MED23: variants seen among roughly 807,000 people sequenced by gnomAD.
The protein encoded by MED23 is mediator of RNA polymerase II transcription subunit 23.
Under a neutral mutation model 163.9 loss-of-function variants are expected in MED23, and 105 were observed. The observed-to-expected ratio is 0.64, with a 90% CI of 0.55 to 0.75. The LOEUF is 0.75. Among genes scored for constraint, MED23 ranks in the 30% least tolerant of loss-of-function variants. The pLI is 0.00. For missense variants in MED23, 1,054 were observed against 1,649.0 expected (o/e 0.64, Z 6.25); for synonymous variants, 561 against 565.6 (o/e 0.99, Z 0.12).
chr6:131,615,433 G>T, intron 10 of MED23: 1 of 1,163,634 alleles, frequency 8.6e-7, no homozygotes, highest in Non-Finnish European at 1.2e-6. Context: ...TATGAGGCCA[G>T]CCTCAAGGAA....
chr6:131,583,124 G>A, downstream of MED23: 1 of 1,613,976 alleles, frequency 6.2e-7, no homozygotes, highest in South Asian at 1.1e-5. Context: ...ACTAGGAATT[G>A]GCAAGGTGAT....
chr6:131,606,389 A>C, intron 13 of MED23, 90 bp downstream of exon 13: 2 of 1,448,602 alleles, frequency 1.4e-6, no homozygotes, highest in Non-Finnish European at 1.9e-6. Context: ...GGAGATTTCC[A>C]AATTTCACAC....
intron 6 of MED23, among the ~76,000 whole-genome samples, chr6:131,620,977 AT>A (rs1006464958): frequency 2.0e-5 from 3 of 151,762 alleles, no homozygotes; most frequent in African/African-American, 7.3e-5. Flanking sequence ...TAACTTTTTA[AT>A]TTTTTGTAAA....
At chr6:131,625,268 T>G (rs1010841062) in intron 3 of MED23, among the ~76,000 whole-genome samples, 3 of 152,208 alleles carry the variant, frequency 2.0e-5, no homozygotes, top group African/African-American at 7.2e-5. Flanking sequence ...ATATTAACGG[T>G]CAATAGAAAA....
At chr6:131,574,423 A>T in intron 30 of MED23, 1 of 1,031,948 alleles carries the variant, frequency 9.7e-7, no homozygotes. Context: ...CATTTTGCTG[A>T]CACAGAAATG....
chr6:131,592,979 T>C (rs754283305), intron 24 of MED23, 27 bp downstream of exon 24: 5 of 1,613,364 alleles, frequency 3.1e-6, no homozygotes, highest in Non-Finnish European at 4.2e-6. Context: ...AAACAACAAA[T>C]CTTACTGCAT....
At chr6:131,589,004 A>G (rs1774384690) in intron 28 of MED23, among the ~76,000 whole-genome samples, 1 of 152,040 alleles carries the variant, frequency 6.6e-6, no homozygotes. Context: ...TATTCTCTAA[A>G]TGCTTTTCAT....
intron 9 of MED23, among the ~76,000 whole-genome samples, 174 bp from the exon 10 acceptor site, chr6:131,616,176 C>A (rs1172369432): frequency 6.6e-6 from 1 of 151,988 alleles, no homozygotes; most frequent in African/African-American, 2.4e-5. Flanking sequence ...CTGTTCCCAC[C>A]CCTCATTTGC....
downstream of MED23, among the ~76,000 whole-genome samples, chr6:131,585,528 G>T (rs565276172): frequency 1.7e-4 from 26 of 152,214 alleles, no homozygotes; most frequent in Non-Finnish European, 2.9e-4. Context: ...CTCTAATACA[G>T]TAGCCACATG....
Position 131,604,263 on chromosome 6 carries a change from C to T in MED23, c.1671G>A (p.Val557=). The change falls in exon 15 of 29, where the codon GTG becomes GTA. Residue 557 remains valine, a synonymous_variant. Transcript: ENST00000368068. ...VIKLAHAKSS[V]ALAPALVETY... ...TTTCCACTAGGGCTGGAGCCAAGGCCACACTGGACTTTGCATGAGCAAGTT... is the reference window on the plus strand; with the variant it reads ...TTTCCACTAGGGCTGGAGCCAAGGCTACACTGGACTTTGCATGAGCAAGTT... 1 of 1,613,824 alleles carries T rather than the reference C, an allele frequency of 6.2e-7. No individual in the cohort carries two copies. The highest frequency in any genetic ancestry group is 8.5e-7 in the Non-Finnish European group (1 of 1,179,842).
chr6:131,584,130 CTT>C (rs1774082880), downstream of MED23: 2 of 555,898 alleles, frequency 3.6e-6, no homozygotes, highest in African/African-American at 1.9e-5. Context: ...TGGCAAAAGA[CTT>C]ATCCTTAGAA....
At position 131,606,585 on chromosome 6, in the gene MED23, G is replaced by C; in HGVS notation, c.1261C>G (p.His421Asp). The C allele has an allele frequency of 6.2e-7, 1 of 1,612,934 alleles. No individual in the cohort carries two copies. Among genetic ancestry groups the C allele is most frequent in the Non-Finnish European group, 8.5e-7 (1 of 1,179,082 alleles). Residue 421 changes from histidine (H) to aspartate (D), a missense_variant, in exon 13 of 29, where the codon CAT (histidine) becomes GAT (aspartate). This residue lies in a region of MED23 where 61 missense variants were observed against 154.2 expected (regional missense o/e 0.40). Coordinates refer to ENST00000368068, the MANE Select transcript of MED23 (RefSeq NM_004830.4). ...CAAATACAGGTCATTGCAAAGGCAT[G>C]GGTTGACTGGGGTTTGTTAATATCA... ...VPDINKPQST[H>D]AFAMTCIWIH...
At position 131,589,557 on chromosome 6, in the gene MED23, G is replaced by A; in HGVS notation, c.3847C>T (p.Gln1283Ter). 6.2e-7 allele frequency: 1 copy of A among 1,613,748 alleles called. No individual in the cohort carries two copies. The highest frequency in any genetic ancestry group is 8.5e-7 in the Non-Finnish European group (1 of 1,179,730). Residue 1283 changes from glutamine to a stop codon, truncating the protein, a stop_gained, in exon 28 of 29, where the codon CAG becomes TAG. Coordinates refer to ENST00000368068, the MANE Select transcript of MED23 (RefSeq NM_004830.4). LOFTEE classifies it high-confidence loss of function. ...AFYDMLLNVD[Q>*]CSTHLNYMDP... is the part of the protein sequence containing the mutation. The stretch of plus-strand genomic sequence containing the variant: ...ATGTAATTTAAATGGGTGCTACACT[G>A]GTCAACATTCAGCAGCATGTCATAA...
At chr6:131,596,268 A>G in intron 21 of MED23, 105 bp from the exon 22 acceptor site, 2 of 1,070,796 alleles carry the variant, frequency 1.9e-6, no homozygotes, top group South Asian at 2.7e-5. Context: ...GCAAGGAAAC[A>G]TTTAAAATTA....
Position 131,586,951 on chromosome 6 carries a change from T to C in MED23, c.*728A>G, listed in dbSNP as rs1774222604. The C allele has an allele frequency of 6.7e-7, 1 of 1,481,950 alleles. No homozygotes were observed. Among genetic ancestry groups the C allele is most frequent in the Non-Finnish European group, 9.0e-7 (1 of 1,106,940 alleles). 91.8% of individuals were successfully genotyped at this position (1,481,950 alleles called of 1,614,324 possible). A position where few individuals can be genotyped will look rare whatever the true frequency, so the allele number is the denominator to read the frequency against. ...GAGAGTGTCAACCTGCAAAAGCAAT[T>C]AACTTATTTTTAAAAAAAGAAATTG... On this transcript the variant is annotated 3_prime_UTR_variant, in exon 29 of 29. Coordinates refer to ENST00000368068, the MANE Select transcript of MED23 (RefSeq NM_004830.4).
chr6:131,607,802 C>T, intron 12 of MED23, 126 bp downstream of exon 12: 1 of 1,073,840 alleles, frequency 9.3e-7, no homozygotes, highest in Non-Finnish European at 1.4e-6. Flanking sequence ...GCTTGCTACA[C>T]TTAACATTCA....
rs762290970 is a variant in MED23 at position 131,604,330 on chromosome 6, A to G, written c.1614-10T>C. ...AATGCTGTGAATAAGGCTGAGGAGA[A>G]AAAAAGGGAAGAAAATAAAAATCCA... On this transcript the variant is annotated splice_polypyrimidine_tract_variant and intron_variant, in intron 14 of 28. Coordinates refer to ENST00000368068, the MANE Select transcript of MED23 (RefSeq NM_004830.4). The G allele has an allele frequency of 1.2e-6, 2 of 1,613,432 alleles. No individual in the cohort carries two copies. The highest frequency in any genetic ancestry group is 1.7e-6 in the Non-Finnish European group (2 of 1,179,648).
chr6:131,578,794 C>G (rs1025401504), intron 30 of MED23, among the ~76,000 whole-genome samples: 1 of 152,066 alleles, frequency 6.6e-6, no homozygotes, highest in Non-Finnish European at 1.5e-5. Context: ...GAGACAGAGA[C>G]AGAGACAGTG....
chr6:131,594,850 G>C (rs1774928716), intron 22 of MED23, among the ~76,000 whole-genome samples: 1 of 152,100 alleles, frequency 6.6e-6, no homozygotes, highest in African/African-American at 2.4e-5. Flanking sequence ...AACCAGCCAG[G>C]ATATCTAAGA....
Sources: gnomAD v4.1 joint callset for allele counts (sites outside exome capture counted in the v4.1 genomes callset) on GRCh38, gnomAD v4.1.1 for gene constraint, gnomAD v4.1.1 regional missense constraint, MANE v1.5 for transcripts, NCBI Gene and HGNC (gene_info 2026-07-23, HGNC 2026-07-21) for gene names.